The following GPC5 variants were observed in gnomAD, a reference collection of about 807,000 sequenced individuals.
GPC5 encodes glypican 5, also known as glypican-5.
In GPC5, 47 loss-of-function variants were observed where a neutral mutation model predicts 53.9. The observed-to-expected ratio is 0.87, with a 90% CI of 0.69 to 1.11. The LOEUF (loss-of-function observed/expected upper bound fraction) is 1.11. Among genes scored for constraint, GPC5 ranks in the 50% most tolerant of loss-of-function variants. The pLI, the probability that GPC5 is intolerant of heterozygous loss-of-function variation, is 0.00. For synonymous variants in GPC5, 286 were observed against 263.3 expected (o/e 1.09, Z -0.84); for missense variants, 748 against 713.1 (o/e 1.05, Z -0.56).
chr13:92,201,219 G>A (rs921176207), intron 7 of GPC5, among the ~76,000 whole-genome samples: 3 of 152,182 alleles, frequency 2.0e-5, no homozygotes, highest in African/African-American at 7.2e-5. Context: ...AGATATTAAT[G>A]TTATGGACAA....
At chr13:92,864,210 G>T (rs973669608) in intron 7 of GPC5, among the ~76,000 whole-genome samples, 3 of 152,044 alleles carry the variant, frequency 2.0e-5, no homozygotes, top group Admixed American at 6.6e-5. Flanking sequence ...AAAAGATCTT[G>T]AATTCTTTTC....
intron 7 of GPC5, among the ~76,000 whole-genome samples, chr13:92,515,234 T>C (rs1880726091): frequency 6.6e-6 from 1 of 152,150 alleles, no homozygotes; most frequent in Non-Finnish European, 1.5e-5. Context: ...AACAAGTAAA[T>C]GAACACATAA....
chr13:92,279,451 CT>C (rs1281849216), intron 7 of GPC5, among the ~76,000 whole-genome samples: 2 of 151,890 alleles, frequency 1.3e-5, no homozygotes, highest in Non-Finnish European at 2.9e-5. Context: ...GTTTTTACTT[CT>C]TTTCTAATAT....
intron 7 of GPC5, among the ~76,000 whole-genome samples, chr13:92,444,138 T>G (rs1315816850): frequency 2.0e-5 from 3 of 152,198 alleles, no homozygotes; most frequent in Non-Finnish European, 2.9e-5. Context: ...AATGGGAAAT[T>G]GGACGGATCC....
chr13:92,646,885 CAT>C (rs1420216512), intron 7 of GPC5, among the ~76,000 whole-genome samples: 1 of 147,852 alleles, frequency 6.8e-6, no homozygotes, highest in Non-Finnish European at 1.5e-5. Context: ...TATCTGTAAA[CAT>C]ATATGTAAAT....
At chr13:92,298,238 G>C (rs2043051678) in intron 7 of GPC5, among the ~76,000 whole-genome samples, 1 of 152,154 alleles carries the variant, frequency 6.6e-6, no homozygotes, top group African/African-American at 2.4e-5. Context: ...ACTTGTCCTA[G>C]GCTCCCCGCC....
intron 2 of GPC5, among the ~76,000 whole-genome samples, chr13:91,465,505 T>A (rs1882180655): frequency 6.6e-6 from 1 of 152,162 alleles, no homozygotes; most frequent in African/African-American, 2.4e-5. Flanking sequence ...GCATTTTTCT[T>A]GTGTTGTGTT....
At chr13:91,445,874 T>C (rs1321987575) in intron 1 of GPC5, among the ~76,000 whole-genome samples, 1 of 152,176 alleles carries the variant, frequency 6.6e-6, no homozygotes, top group Non-Finnish European at 1.5e-5. Context: ...CATGGTTAAA[T>C]GGGGAGCTAC....
At chr13:92,703,464 A>T (rs966372052) in intron 7 of GPC5, among the ~76,000 whole-genome samples, 1 of 151,612 alleles carries the variant, frequency 6.6e-6, no homozygotes, top group Non-Finnish European at 1.5e-5. Context: ...TGCCTTTTGA[A>T]AGTCTAGGGT....
At chr13:92,822,162 A>G in intron 7 of GPC5, among the ~76,000 whole-genome samples, 1 of 152,166 alleles carries the variant, frequency 6.6e-6, no homozygotes, top group East Asian at 1.9e-4. Flanking sequence ...TTAAGTGTAC[A>G]TAATACAGAG....
At chr13:91,999,198 C>A (rs2040532037) in intron 6 of GPC5, among the ~76,000 whole-genome samples, 1 of 102,612 alleles carries the variant, frequency 9.7e-6, no homozygotes, top group African/African-American at 4.7e-5. Context: ...TTAAGTGCAT[C>A]AAAATAACCT....
At chr13:91,769,049 T>G (rs1010454952) in intron 5 of GPC5, among the ~76,000 whole-genome samples, 3 of 152,152 alleles carry the variant, frequency 2.0e-5, no homozygotes, top group African/African-American at 7.2e-5. Context: ...GCAACTTATT[T>G]TAAGGAATTG....
At chr13:91,540,037 A>G (rs1001563073) in intron 2 of GPC5, among the ~76,000 whole-genome samples, 3 of 152,338 alleles carry the variant, frequency 2.0e-5, no homozygotes, top group Non-Finnish European at 2.9e-5. Flanking sequence ...TTTAAAATGT[A>G]TGTCTTGCTG....
At chr13:91,416,213 AG>A in intron 1 of GPC5, among the ~76,000 whole-genome samples, 1 of 152,176 alleles carries the variant, frequency 6.6e-6, no homozygotes, top group East Asian at 1.9e-4. Flanking sequence ...TAAATTTATG[AG>A]TCCTTCAGAT....
intron 2 of GPC5, among the ~76,000 whole-genome samples, chr13:91,643,053 C>T (rs976535601): frequency 8.6e-5 from 13 of 151,982 alleles, no homozygotes; most frequent in African/African-American, 2.7e-4. Context: ...TTATGGTGTT[C>T]GGTTATTTTT....
chr13:92,694,889 C>T lies in GPC5; in HGVS notation c.1562-171393C>T, dbSNP rs569899628. Among the ~76,000 whole-genome samples, 212 of 152,270 alleles carry T rather than the reference C, an allele frequency of 1.4e-3. 1 individual carries two copies. The highest frequency in any genetic ancestry group is 2.3e-3 in the Non-Finnish European group (156 of 68,028). On this transcript the variant is annotated intron_variant, in intron 7 of 7. Transcript: ENST00000377067. Reference sequence around the variant, plus strand: ...ATTCCATCTCCTACTGTAATCCCCACGTGTTGAGGGAGAGACTAGGAGGGA... The same window carrying T: ...ATTCCATCTCCTACTGTAATCCCCATGTGTTGAGGGAGAGACTAGGAGGGA...
At chr13:92,523,645 T>A (rs436958) in intron 7 of GPC5, among the ~76,000 whole-genome samples, 86,810 of 151,904 alleles carry the variant, frequency 0.57, 25,481 homozygotes, top group East Asian at 0.75. Context: ...ACATAACAAA[T>A]GTAAAACATT....
chr13:91,811,514 AT>A (rs2038311894), intron 5 of GPC5, among the ~76,000 whole-genome samples: 1 of 152,168 alleles, frequency 6.6e-6, no homozygotes, highest in South Asian at 2.1e-4. Flanking sequence ...TATAAGCTCT[AT>A]TGGTGATGTA....
intron 7 of GPC5, among the ~76,000 whole-genome samples, chr13:92,362,673 C>T (rs12876476): frequency 0.01 from 1,524 of 151,834 alleles, 29 homozygotes; most frequent in Middle Eastern, 0.048. Flanking sequence ...TTTGGTTTCT[C>T]CCATTGCCAG....
Sources: gnomAD v4.1 joint callset for allele counts (sites outside exome capture counted in the v4.1 genomes callset) on GRCh38, gnomAD v4.1.1 for gene constraint, MANE v1.5 for transcripts, NCBI Gene and HGNC (gene_info 2026-07-23, HGNC 2026-07-21) for gene names.